Variants in ANK3 observed in about 807,000 individuals in gnomAD.
The protein encoded by ANK3 is ankyrin 3.
Under a neutral mutation model 370.9 loss-of-function variants are expected in ANK3, and 57 were observed. That is an observed-to-expected ratio of 0.15 (90% CI 0.12 to 0.19). The LOEUF (loss-of-function observed/expected upper bound fraction) is 0.19. Ranked by LOEUF, ANK3 falls within the 10% of genes least tolerant of loss-of-function variation. The pLI is 1.00. For missense variants in ANK3, 4,439 were observed against 5,302.1 expected (o/e 0.84, Z 5.06); for synonymous variants, 1,929 against 1,946.3 (o/e 0.99, Z 0.23).
At chr10:60,305,185 C>T (rs1294733235) in intron 1 of ANK3, among the ~76,000 whole-genome samples, 1 of 152,182 alleles carries the variant, frequency 6.6e-6, no homozygotes, top group East Asian at 1.9e-4. Context: ...CCAAGCTCAG[C>T]TAACTTCCCT....
At chr10:60,339,878 C>CT (rs1166682376) in intron 1 of ANK3, among the ~76,000 whole-genome samples, 1 of 152,170 alleles carries the variant, frequency 6.6e-6, no homozygotes, top group African/African-American at 2.4e-5. Context: ...ACAAATATGA[C>CT]TTTTTGCAAA....
At chr10:60,228,088 T>C (rs2097190473) in intron 8 of ANK3, among the ~76,000 whole-genome samples, 4 of 152,190 alleles carry the variant, frequency 2.6e-5, no homozygotes, top group Admixed American at 2.6e-4. Context: ...AGAACTCTCA[T>C]ATATTTGAAT....
At chr10:60,080,457 G>T in intron 36 of ANK3, 80 bp downstream of exon 36, 1 of 1,240,328 alleles carries the variant, frequency 8.1e-7, no homozygotes. Flanking sequence ...GTTTCCAAAT[G>T]ATAAAATTTG....
At chr10:60,081,524 TA>T (rs1181775747) in intron 35 of ANK3, 3 of 438,970 alleles carry the variant, frequency 6.8e-6, no homozygotes, top group South Asian at 1.6e-5. Flanking sequence ...ACTATATTCT[TA>T]AAAAAATGGT....
chr10:60,615,279 A>C, intron 1 of ANK3: 2 of 1,300,976 alleles, frequency 1.5e-6, no homozygotes, highest in Non-Finnish European at 2.1e-6. Flanking sequence ...CCATATATTT[A>C]CCATGACGGT....
chr10:60,488,023 C>T (rs1027273823), intron 2 of ANK3, among the ~76,000 whole-genome samples: 4 of 152,062 alleles, frequency 2.6e-5, no homozygotes, highest in Non-Finnish European at 5.9e-5. Flanking sequence ...TCAAACTTTC[C>T]TCCTAGAAGT....
At chr10:60,186,150 A>G (rs969357566) in intron 17 of ANK3, among the ~76,000 whole-genome samples, 3 of 152,148 alleles carry the variant, frequency 2.0e-5, no homozygotes, top group Admixed American at 2.0e-4. Flanking sequence ...AAGGGCTACA[A>G]TTTGCAGCTT....
At chr10:60,265,030 T>C (rs112928686) in intron 5 of ANK3, among the ~76,000 whole-genome samples, 1 of 152,142 alleles carries the variant, frequency 6.6e-6, no homozygotes, top group African/African-American at 2.4e-5. Flanking sequence ...GTACAAGTGA[T>C]ATTATGACTT....
chr10:60,086,542 A>T, intron 30 of ANK3, 135 bp downstream of exon 30: 1 of 736,940 alleles, frequency 1.4e-6, no homozygotes, highest in Non-Finnish European at 2.1e-6. Context: ...TGGACAAGTA[A>T]AATGTTTTGT....
At chr10:60,478,557 T>TA (rs1289127314) in intron 2 of ANK3, among the ~76,000 whole-genome samples, 1 of 152,076 alleles carries the variant, frequency 6.6e-6, no homozygotes, top group African/African-American at 2.4e-5. Context: ...ATAAGCCAAT[T>TA]ATTGCTGAGA....
chr10:60,609,453 G>A (rs2133315460), intron 2 of ANK3, among the ~76,000 whole-genome samples: 1 of 152,036 alleles, frequency 6.6e-6, no homozygotes, highest in Admixed American at 6.6e-5. Flanking sequence ...AGAATCCCAG[G>A]GTGCGTTTAG....
At chr10:60,513,914 C>A (rs2076151867) in intron 2 of ANK3, among the ~76,000 whole-genome samples, 1 of 152,142 alleles carries the variant, frequency 6.6e-6, no homozygotes, top group Admixed American at 6.6e-5. Context: ...AAAAGTTACA[C>A]TGAGTGGGTC....
At position 60,490,803 on chromosome 10, in the gene ANK3, T is replaced by C. The variant is rs571993007; in HGVS notation, c.96+124383A>G. 1.2e-3 allele frequency among the ~76,000 whole-genome samples: 187 copies of C among 152,330 alleles called. 1 individual carries two copies. Among genetic ancestry groups the C allele is most frequent in the African/African-American group, 4.3e-3 (180 of 41,576 alleles). On this transcript the variant is annotated intron_variant, in intron 2 of 43. Transcript: ENST00000373827. ...AAATAGAGGCATGACTGGCATATAA[T>C]AAAATGTACAGATTCTAAGTGTTCA...
intron 1 of ANK3, among the ~76,000 whole-genome samples, chr10:60,290,120 AC>A (rs1441602735): frequency 3.3e-5 from 5 of 152,122 alleles, no homozygotes; most frequent in African/African-American, 1.2e-4. Flanking sequence ...CTAATTTCCC[AC>A]CGATTTCAGA....
intron 1 of ANK3, among the ~76,000 whole-genome samples, chr10:60,326,529 T>G (rs1342649356): frequency 2.0e-5 from 3 of 152,126 alleles, no homozygotes; most frequent in Non-Finnish European, 2.9e-5. Context: ...TGAAAAAGTA[T>G]TTTTCATCTC....
chr10:60,516,374 T>G (rs920595204), intron 2 of ANK3, among the ~76,000 whole-genome samples: 2 of 152,086 alleles, frequency 1.3e-5, no homozygotes, highest in Non-Finnish European at 2.9e-5. Flanking sequence ...GGAAATCTCA[T>G]TTAACAGACT....
chr10:60,034,075 G>GTT (rs2074340775), intron 43 of ANK3, among the ~76,000 whole-genome samples: 1 of 108,554 alleles, frequency 9.2e-6, no homozygotes, highest in Non-Finnish European at 2.0e-5. Flanking sequence ...CTGAAATTCT[G>GTT]TTTTTGTTTT....
chr10:60,570,603 A>G (rs2077570380), intron 2 of ANK3, among the ~76,000 whole-genome samples: 1 of 152,158 alleles, frequency 6.6e-6, no homozygotes, highest in Admixed American at 6.5e-5. Flanking sequence ...TACAGGTTAG[A>G]CTGGAGAGCT....
rs540451576 is a variant in ANK3, at chr10:60,278,780, T to C, written c.408A>G (p.Gln136=). 4 of 1,613,332 alleles carry C rather than the reference T, an allele frequency of 2.5e-6. No individual in the cohort carries two copies. The highest frequency in any genetic ancestry group is 2.2e-5 in the East Asian group (1 of 44,876). Residue 136 remains glutamine, a synonymous_variant, in exon 4 of 44, where the codon CAA becomes CAG. Coordinates refer to ENST00000280772, the MANE Select transcript of ANK3 (RefSeq NM_020987.5). ...CATGGAGTTGTAGGCTTACCTGAGA[T>C]TGTGCATTGACATTGGCTCCATTTG... ...LVTNGANVNA[Q]SQNGFTPLYM...
Sources: gnomAD v4.1 joint callset for allele counts (sites outside exome capture counted in the v4.1 genomes callset) on GRCh38, gnomAD v4.1.1 for gene constraint, MANE v1.5 for transcripts, NCBI Gene and HGNC (gene_info 2026-07-23, HGNC 2026-07-21) for gene names.